Variants in PAFAH1B2 observed in about 807,000 individuals in gnomAD.
PAFAH1B2 encodes the protein platelet-activating factor acetylhydrolase IB subunit alpha2.
In PAFAH1B2, 8 loss-of-function variants were observed where a neutral mutation model predicts 28.0. That is an observed-to-expected ratio of 0.29 (90% CI 0.17 to 0.52). The LOEUF is 0.52. PAFAH1B2 is among the 20% of genes least tolerant of loss of function. The pLI is 0.97. For missense variants in PAFAH1B2, 190 were observed against 282.6 expected (o/e 0.67, Z 2.35); for synonymous variants, 104 against 103.2 (o/e 1.01, Z -0.05).
downstream of PAFAH1B2, chr11:117,176,002 GCATGGAGGGCT>G (rs1406035584): frequency 4.0e-6 from 5 of 1,243,360 alleles, no homozygotes; most frequent in African/African-American, 1.5e-5. Flanking sequence ...GCAGCTGACT[GCATGGAGGGCT>G]CATGATGAAG....
chr11:117,165,815 C>G (rs907676888), intron 5 of PAFAH1B2, among the ~76,000 whole-genome samples: 9 of 151,424 alleles, frequency 5.9e-5, no homozygotes, highest in Non-Finnish European at 1.0e-4. Flanking sequence ...AGAAGGAGGC[C>G]ACAACCAGGT....
downstream of PAFAH1B2, chr11:117,175,033 A>G: frequency 2.2e-6 from 3 of 1,376,252 alleles, no homozygotes; most frequent in Admixed American, 3.1e-5. Context: ...GGGTCCAGCA[A>G]GCTCCTCAGC....
chr11:117,163,962 ATTGC>A, intron 5 of PAFAH1B2, 70 bp downstream of exon 5: 1 of 1,504,848 alleles, frequency 6.6e-7, no homozygotes. Context: ...TAGAAATGTG[ATTGC>A]TCATGAATAT....
At position 117,144,313 on chromosome 11, in the gene PAFAH1B2, C is replaced by G. The variant is rs189193731; in HGVS notation, c.-113C>G. 1.0e-5 allele frequency: 4 copies of G among 393,520 alleles called. No homozygotes were observed. Among genetic ancestry groups the G allele is most frequent in the Admixed American group, 2.7e-5 (1 of 37,510 alleles). The allele number at this position is 393,520 out of a possible 1,614,324, so 24.4% of individuals were successfully genotyped here. ...GAGGAGCTGCTGCTGGTGCTGGGGCCGGAGGAGGGACGCGCCGGAGCGGGA... is the reference window on the plus strand; with the variant it reads ...GAGGAGCTGCTGCTGGTGCTGGGGCGGGAGGAGGGACGCGCCGGAGCGGGA... On this transcript the variant is annotated 5_prime_UTR_variant, in exon 1 of 6. Coordinates refer to ENST00000527958, the MANE Select transcript of PAFAH1B2 (RefSeq NM_002572.4).
At chr11:117,157,464 A>G (rs1956278312) in intron 2 of PAFAH1B2, among the ~76,000 whole-genome samples, 2 of 152,100 alleles carry the variant, frequency 1.3e-5, no homozygotes, top group African/African-American at 4.8e-5. Context: ...ATAATCTGTA[A>G]AATTATTTCC....
In PAFAH1B2 at chr11:117,161,244, GAGAATATTAAGCCTAAGGTGAAA is replaced by G; in HGVS notation, c.272_288+6del. The stretch of plus-strand genomic sequence containing the variant: ...GTGGAGACTAAAGAATGGAGAACTG[GAGAATATTAAGCCTAAGGTGAAA>G]TGAAAGTTACTTGTCAATGTCATTA... On this transcript the variant is annotated splice_donor_variant and splice_donor_5th_base_variant and coding_sequence_variant and intron_variant, in exon 4 of 6. Transcript: ENST00000527958. LOFTEE classifies it high-confidence loss of function. 2 of 1,563,524 alleles carry G rather than the reference GAGAATATTAAGCCTAAGGTGAAA, an allele frequency of 1.3e-6. No individual in the cohort carries two copies. The highest frequency in any genetic ancestry group is 1.7e-6 in the Non-Finnish European group (2 of 1,154,722).
At position 117,167,972 on chromosome 11, in the gene PAFAH1B2, AATT is replaced by A; in HGVS notation, c.*279_*281del. 2 of 1,098,590 alleles carry A rather than the reference AATT, an allele frequency of 1.8e-6. No homozygotes were observed. Among genetic ancestry groups the A allele is most frequent in the South Asian group, 4.5e-5 (1 of 22,304 alleles). The allele number at this position is 1,098,590 out of a possible 1,614,324, so 68.1% of individuals were successfully genotyped here. ...AGTTGTATGTGTAACACATTCATTG[AATT>A]ATTATCACTGTTTTCTTGGGACAAC... is the stretch of plus-strand genomic sequence containing the variant. On this transcript the variant is annotated 3_prime_UTR_variant, in exon 6 of 6. Transcript: ENST00000527958.
chr11:117,161,035 TTA>T (rs940206038), intron 3 of PAFAH1B2, 108 bp from the exon 4 acceptor site: 1 of 730,424 alleles, frequency 1.4e-6, no homozygotes, highest in African/African-American at 1.8e-5. Context: ...CATTACAGTG[TTA>T]TCTTTGAATA....
chr11:117,163,964 T>G, intron 5 of PAFAH1B2, 72 bp downstream of exon 5: 1 of 1,487,160 alleles, frequency 6.7e-7, no homozygotes, highest in Non-Finnish European at 9.3e-7. Context: ...GAAATGTGAT[T>G]GCTCATGAAT....
chr11:117,161,316 TA>T, intron 4 of PAFAH1B2, 55 bp downstream of exon 4: 1 of 1,142,226 alleles, frequency 8.8e-7, no homozygotes, highest in Non-Finnish European at 1.2e-6. Flanking sequence ...TTTGGATAGT[TA>T]AATTGTCTGA....
intron 1 of PAFAH1B2, among the ~76,000 whole-genome samples, chr11:117,150,337 C>T (rs1033248525): frequency 5.3e-5 from 8 of 151,830 alleles, no homozygotes; most frequent in South Asian, 2.1e-4. Flanking sequence ...TTTGTAGAGA[C>T]GGGGGTTTCA....
chr11:117,172,373 TATATATATATATATATATA>T (rs1956675094), downstream of PAFAH1B2, among the ~76,000 whole-genome samples: 44 of 5,024 alleles, frequency 8.8e-3, 1 homozygote, highest in African/African-American at 0.02. Context: ...TATATATATA[TATATATATATATATATATA>T]TATATATATA....
intron 1 of PAFAH1B2, among the ~76,000 whole-genome samples, chr11:117,148,123 C>G (rs1439339819): frequency 6.7e-6 from 1 of 148,938 alleles, no homozygotes; most frequent in Non-Finnish European, 1.5e-5. Context: ...GTGATCTCTG[C>G]TCACTGCAAC....
rs191647416 is a variant in PAFAH1B2, at chr11:117,156,298, A to T, written c.82-3636A>T. Among the ~76,000 whole-genome samples, 186 of 152,374 alleles carry T rather than the reference A, an allele frequency of 1.2e-3. 1 individual carries two copies. Among genetic ancestry groups the T allele is most frequent in the African/African-American group, 4.1e-3 (172 of 41,596 alleles). ...CAACTATAACGGCTACCATTTATCA[A>T]GTACCTAGTGGGTGCCAGTCAATAG... On this transcript the variant is annotated intron_variant, in intron 2 of 5. Coordinates refer to ENST00000527958, the MANE Select transcript of PAFAH1B2 (RefSeq NM_002572.4).
At chr11:117,166,508 A>G (rs1468856710) in intron 5 of PAFAH1B2, among the ~76,000 whole-genome samples, 6 of 152,366 alleles carry the variant, frequency 3.9e-5, no homozygotes, top group African/African-American at 1.4e-4. Context: ...GATAGCAGTA[A>G]TCACATTACA....
rs564996027 is a variant in PAFAH1B2, at chr11:117,155,310, C to T, written c.81+2782C>T. On this transcript the variant is annotated intron_variant, in intron 2 of 5. Coordinates refer to ENST00000527958, the MANE Select transcript of PAFAH1B2 (RefSeq NM_002572.4). ...AAGACTTGCCAAATAGAATAGAAAT[C>T]GTATCAAAACATATTAACCAGAAAA... 2.9e-3 allele frequency among the ~76,000 whole-genome samples: 448 copies of T among 152,178 alleles called. 2 individuals are homozygous for T. Among genetic ancestry groups the T allele is most frequent in the Non-Finnish European group, 5.1e-3 (345 of 68,012 alleles).
chr11:117,175,751 G>A (rs2029943097), downstream of PAFAH1B2: 10 of 1,063,774 alleles, frequency 9.4e-6, no homozygotes, highest in African/African-American at 6.4e-5. Flanking sequence ...TAAAACAGGC[G>A]TAGGGTCACA....
chr11:117,149,429 C>CTTTTTTTTT (rs1565260556), intron 1 of PAFAH1B2, among the ~76,000 whole-genome samples: 2 of 33,518 alleles, frequency 6.0e-5, no homozygotes, highest in Non-Finnish European at 1.5e-4. Context: ...GTTTTCTAAT[C>CTTTTTTTTT]GTTTTTTTTT....
downstream of PAFAH1B2, among the ~76,000 whole-genome samples, chr11:117,174,561 C>G (rs1297226176): frequency 6.6e-6 from 1 of 151,474 alleles, no homozygotes; most frequent in African/African-American, 2.4e-5. Context: ...TCACCGCAAC[C>G]TCTGCCTCCC....
Sources: gnomAD v4.1 joint callset for allele counts (sites outside exome capture counted in the v4.1 genomes callset) on GRCh38, gnomAD v4.1.1 for gene constraint, MANE v1.5 for transcripts, NCBI Gene and HGNC (gene_info 2026-07-23, HGNC 2026-07-21) for gene names.